The following RPTOR variants were observed in gnomAD, a reference collection of about 807,000 sequenced individuals.
RPTOR encodes the protein regulatory-associated protein of mTOR.
Under a neutral mutation model 169.9 loss-of-function variants are expected in RPTOR, and 21 were observed. The ratio of observed to expected loss-of-function variants is 0.12; its 90% CI spans 0.09 to 0.18. The LOEUF is 0.18. RPTOR is among the 10% of genes least tolerant of loss of function. The probability of loss-of-function intolerance (pLI) is 1.00; values close to 1 mark genes in which losing one functional copy is unlikely to be tolerated. For missense variants in RPTOR, 1,133 were observed against 1,855.9 expected, an observed-to-expected ratio of 0.61 and a Z score of 7.16; for synonymous variants, 732 against 753.2, an observed-to-expected ratio of 0.97 and a Z score of 0.46.
chr17:80,742,827 C>T (rs146202802), intron 5 of RPTOR, among the ~76,000 whole-genome samples: 1 of 151,968 alleles, frequency 6.6e-6, no homozygotes, highest in Non-Finnish European at 1.5e-5. Flanking sequence ...TACATGCCCA[C>T]CTATACATAC....
chr17:80,608,622 C>A (rs542709829), intron 1 of RPTOR, among the ~76,000 whole-genome samples: 76 of 152,204 alleles, frequency 5.0e-4, no homozygotes, highest in Admixed American at 1.8e-3. Flanking sequence ...CGTGGCCCAC[C>A]CTAGGTCTGT....
intron 3 of RPTOR, among the ~76,000 whole-genome samples, chr17:80,675,728 C>A (rs2065857062): frequency 6.6e-6 from 1 of 152,214 alleles, no homozygotes; most frequent in Non-Finnish European, 1.5e-5. Flanking sequence ...GGGCTGGCCC[C>A]AGCTTCACTG....
At chr17:80,614,160 G>C (rs2065291938) in intron 1 of RPTOR, among the ~76,000 whole-genome samples, 1 of 152,140 alleles carries the variant, frequency 6.6e-6, no homozygotes, top group South Asian at 2.1e-4. Context: ...AGCCAGGGGA[G>C]CCCACCCCCA....
chr17:80,597,158 C>G (rs1490628836), intron 1 of RPTOR, among the ~76,000 whole-genome samples: 1 of 152,130 alleles, frequency 6.6e-6, no homozygotes, highest in African/African-American at 2.4e-5. Context: ...GCTCGTAGTA[C>G]CAAGCTCAAG....
At chr17:80,742,697 A>G (rs1269048284) in intron 5 of RPTOR, among the ~76,000 whole-genome samples, 1 of 151,264 alleles carries the variant, frequency 6.6e-6, no homozygotes, top group Non-Finnish European at 1.5e-5. Flanking sequence ...AGAGACACAC[A>G]TAGACACCAT....
intron 4 of RPTOR, among the ~76,000 whole-genome samples, chr17:80,729,967 A>G (rs779157007): frequency 6.6e-6 from 1 of 152,198 alleles, no homozygotes; most frequent in Non-Finnish European, 1.5e-5. Flanking sequence ...AACTGAGACA[A>G]GTTTAAGGAG....
chr17:80,818,139 C>T (rs148548732), intron 7 of RPTOR, among the ~76,000 whole-genome samples: 218 of 152,222 alleles, frequency 1.4e-3, no homozygotes, highest in African/African-American at 5.1e-3. Flanking sequence ...TTATTTTAGT[C>T]GCCATTTTGC....
At chr17:80,852,607 C>T (rs2067805309) in intron 11 of RPTOR, among the ~76,000 whole-genome samples, 1 of 152,148 alleles carries the variant, frequency 6.6e-6, no homozygotes, top group African/African-American at 2.4e-5. Flanking sequence ...ATTCCCACTG[C>T]TCTTTCTCTG....
At chr17:80,558,923 A>G (rs1358479035) in intron 1 of RPTOR, among the ~76,000 whole-genome samples, 1 of 151,998 alleles carries the variant, frequency 6.6e-6, no homozygotes, top group Non-Finnish European at 1.5e-5. Flanking sequence ...CTTGACCTTG[A>G]TTTTTTTAAC....
chr17:80,845,862 C>T lies in RPTOR; in HGVS notation c.1213-611C>T, dbSNP rs1284566056. Among the ~76,000 whole-genome samples, 3 of 152,224 alleles carry T rather than the reference C, an allele frequency of 2.0e-5. No homozygotes were observed. On this transcript the variant is annotated intron_variant, in intron 10 of 33. Coordinates refer to ENST00000306801, the MANE Select transcript of RPTOR (RefSeq NM_020761.3). The surrounding 1 kb of genome is among the most constrained non-coding windows in gnomAD (Gnocchi z 5.4). The stretch of plus-strand genomic sequence containing the variant: ...CAGTCAGCTCTCCATCCTTATCTCG[C>T]CTGGCCCGGTGCTGGTTTGTGGCTC...
intron 1 of RPTOR, among the ~76,000 whole-genome samples, chr17:80,558,851 G>A (rs988567333): frequency 2.0e-5 from 3 of 152,142 alleles, no homozygotes; most frequent in Non-Finnish European, 4.4e-5. Flanking sequence ...CGTTGCATTT[G>A]GTGGTCGTGT....
At chr17:80,837,329 T>C (rs866188171) in intron 9 of RPTOR, among the ~76,000 whole-genome samples, 12 of 152,034 alleles carry the variant, frequency 7.9e-5, no homozygotes, top group African/African-American at 2.9e-4. Context: ...AGCAGGTGGC[T>C]GTCCACACCA....
intron 1 of RPTOR, among the ~76,000 whole-genome samples, chr17:80,601,063 C>A (rs1289267994): frequency 6.6e-6 from 1 of 152,162 alleles, no homozygotes; most frequent in Non-Finnish European, 1.5e-5. Flanking sequence ...GGACGACATA[C>A]CGTTCACCTG....
chr17:80,628,633 T>A (rs775369588), intron 2 of RPTOR, among the ~76,000 whole-genome samples: 4 of 152,138 alleles, frequency 2.6e-5, no homozygotes, highest in Non-Finnish European at 5.9e-5. Flanking sequence ...TGGAATTTAT[T>A]CTCCCCACCC....
intron 1 of RPTOR, among the ~76,000 whole-genome samples, chr17:80,598,610 A>G (rs62068299): frequency 0.056 from 8,464 of 152,290 alleles, 294 homozygotes; most frequent in Non-Finnish European, 0.082. Flanking sequence ...TCTTTTGCGC[A>G]GGGTGGTTCT....
intron 13 of RPTOR, among the ~76,000 whole-genome samples, chr17:80,868,115 G>C (rs1356455513): frequency 7.2e-5 from 11 of 152,182 alleles, no homozygotes; most frequent in African/African-American, 2.7e-4. Context: ...ATAAACACCT[G>C]CCCTATGATG....
chr17:80,619,392 G>A (rs1419124426), intron 1 of RPTOR, among the ~76,000 whole-genome samples: 4 of 152,156 alleles, frequency 2.6e-5, no homozygotes, highest in African/African-American at 9.7e-5. Context: ...CTGATCACCT[G>A]TATCTTTTTA....
chr17:80,671,186 C>G (rs530812488), intron 3 of RPTOR, among the ~76,000 whole-genome samples: 2 of 152,346 alleles, frequency 1.3e-5, no homozygotes, highest in Admixed American at 1.3e-4. Flanking sequence ...CGGGCCCCTC[C>G]TGGCCTTTAG....
At chr17:80,606,025 T>G (rs1273259585) in intron 1 of RPTOR, among the ~76,000 whole-genome samples, 1 of 152,162 alleles carries the variant, frequency 6.6e-6, no homozygotes, top group Non-Finnish European at 1.5e-5. Context: ...TTGTTTTTGT[T>G]TTTTGAGATG....
Sources: allele counts gnomAD v4.1 joint callset (sites outside exome capture counted in the v4.1 genomes callset), GRCh38; gene constraint gnomAD v4.1.1; non-coding constraint Gnocchi (gnomAD v3.1); transcripts MANE v1.5; gene names NCBI Gene and HGNC (gene_info 2026-07-23, HGNC 2026-07-21).